FXYD6: variants seen among roughly 807,000 people sequenced by gnomAD.
The protein encoded by FXYD6 is FXYD domain-containing ion transport regulator 6.
A neutral mutation model predicts 16.7 loss-of-function variants in FXYD6; 7 were observed. That is an observed-to-expected ratio of 0.42 (90% CI 0.24 to 0.79). The LOEUF is 0.79. FXYD6 is among the 30% of genes least tolerant of loss of function. The pLI, the probability that FXYD6 is intolerant of heterozygous loss-of-function variation, is 0.28. For synonymous variants in FXYD6, 49 were observed against 43.0 expected, an observed-to-expected ratio of 1.14 and a Z score of -0.54; for missense variants, 111 against 116.2, an observed-to-expected ratio of 0.95 and a Z score of 0.21.
chr11:117,849,687 C>G (rs2056558742), intron 1 of FXYD6, among the ~76,000 whole-genome samples: 1 of 151,988 alleles, frequency 6.6e-6, no homozygotes, highest in South Asian at 2.1e-4. Context: ...CTTTTGGTCG[C>G]TTGCTTTTTG....
chr11:117,865,535 A>G (rs111748413), intron 1 of FXYD6, among the ~76,000 whole-genome samples: 3 of 152,230 alleles, frequency 2.0e-5, no homozygotes, highest in Non-Finnish European at 2.9e-5. Context: ...ATTCAACCTT[A>G]AAAAGGAAGG....
At chr11:117,866,528 C>T (rs2057017998) in intron 1 of FXYD6, among the ~76,000 whole-genome samples, 1 of 152,128 alleles carries the variant, frequency 6.6e-6, no homozygotes, top group South Asian at 2.1e-4. Context: ...CTGACTATGA[C>T]TGAGGTTGGG....
At chr11:117,858,937 A>G (rs1477726157) in intron 1 of FXYD6, among the ~76,000 whole-genome samples, 4 of 151,554 alleles carry the variant, frequency 2.6e-5, no homozygotes, top group Admixed American at 2.0e-4. Context: ...CACCACACCC[A>G]GCTAAGTTTT....
At chr11:117,841,221 G>A (rs777766094) in intron 4 of FXYD6, 37 bp from the exon 5 acceptor site, 3 of 1,614,032 alleles carry the variant, frequency 1.9e-6, no homozygotes, top group Non-Finnish European at 1.7e-6. Flanking sequence ...TCATGCTGCT[G>A]GCTTGGCCAC....
intron 1 of FXYD6, among the ~76,000 whole-genome samples, chr11:117,847,152 T>A (rs960152980): frequency 6.6e-6 from 1 of 152,226 alleles, no homozygotes; most frequent in African/African-American, 2.4e-5. Flanking sequence ...TTGTATGTGT[T>A]TTCTAATTTT....
intron 6 of FXYD6, 175 bp from the exon 7 acceptor site, chr11:117,840,005 A>T: frequency 2.6e-6 from 2 of 768,062 alleles, no homozygotes; most frequent in South Asian, 3.4e-5. Context: ...TGCTTACAGG[A>T]ACCTGGTAAC....
chr11:117,874,950 C>T (rs1423513825), intron 1 of FXYD6, among the ~76,000 whole-genome samples: 1 of 152,196 alleles, frequency 6.6e-6, no homozygotes, highest in Non-Finnish European at 1.5e-5. Flanking sequence ...CCTTCCTCTG[C>T]AGGGTTCCCA....
intron 6 of FXYD6, 85 bp downstream of exon 6, chr11:117,840,234 C>T (rs1274948096): frequency 3.2e-6 from 5 of 1,578,320 alleles, no homozygotes; most frequent in Non-Finnish European, 4.4e-6. Flanking sequence ...GCTGGCCATG[C>T]ACCTGGCAAC....
chr11:117,855,201 A>G (rs940694643), intron 1 of FXYD6, among the ~76,000 whole-genome samples: 1 of 152,256 alleles, frequency 6.6e-6, no homozygotes, highest in South Asian at 2.1e-4. Context: ...TATTCTAAAG[A>G]AAACATTTCT....
intron 1 of FXYD6, among the ~76,000 whole-genome samples, chr11:117,856,998 C>A (rs1449902133): frequency 1.5e-5 from 2 of 133,300 alleles, no homozygotes; most frequent in Admixed American, 1.4e-4. Context: ...AAGGCTGAGC[C>A]CACCCCAATG....
intron 1 of FXYD6, among the ~76,000 whole-genome samples, chr11:117,858,538 G>C (rs896714695): frequency 1.3e-5 from 2 of 152,122 alleles, no homozygotes; most frequent in African/African-American, 4.8e-5. Context: ...ACACTCTCCT[G>C]TCAAAGTTCC....
intron 1 of FXYD6, among the ~76,000 whole-genome samples, chr11:117,849,886 T>C (rs1186455870): frequency 6.6e-6 from 1 of 152,122 alleles, no homozygotes; most frequent in Non-Finnish European, 1.5e-5. Flanking sequence ...GGCTAGCTCC[T>C]GTCCAGTTCA....
At chr11:117,857,632 C>T (rs1401985389) in intron 1 of FXYD6, among the ~76,000 whole-genome samples, 1 of 152,110 alleles carries the variant, frequency 6.6e-6, no homozygotes, top group South Asian at 2.1e-4. Flanking sequence ...TGGTCTCGAT[C>T]TCTTGACCTC....
At chr11:117,865,941 G>T (rs2057004913) in intron 1 of FXYD6, among the ~76,000 whole-genome samples, 1 of 151,980 alleles carries the variant, frequency 6.6e-6, no homozygotes, top group South Asian at 2.1e-4. Flanking sequence ...AAAAAAGAGT[G>T]CCTGTGGTGA....
intron 1 of FXYD6, among the ~76,000 whole-genome samples, chr11:117,863,726 CA>C (rs1240866378): frequency 5.3e-5 from 8 of 152,108 alleles, no homozygotes; most frequent in Non-Finnish European, 1.2e-4. Flanking sequence ...CCCTAAAGAT[CA>C]CACATAAAAA....
intron 2 of FXYD6, 115 bp downstream of exon 2, chr11:117,842,604 T>C: frequency 1.9e-6 from 2 of 1,057,744 alleles, no homozygotes; most frequent in South Asian, 2.9e-5. Context: ...TGACTAGACA[T>C]GAAGAACGTG....
intron 2 of FXYD6, among the ~76,000 whole-genome samples, 191 bp downstream of exon 2, chr11:117,842,528 C>A (rs1200721111): frequency 6.6e-6 from 1 of 152,200 alleles, no homozygotes; most frequent in African/African-American, 2.4e-5. Context: ...GCAGGCTGTG[C>A]TGAGGTCTGT....
chr11:117,869,364 C>T (rs966093528), intron 1 of FXYD6, among the ~76,000 whole-genome samples: 15 of 152,378 alleles, frequency 9.8e-5, no homozygotes, highest in African/African-American at 3.1e-4. Context: ...TGGCTGACAC[C>T]TCCCAGGGTG....
chr11:117,876,444 A>T (rs2134226258), intron 1 of FXYD6, 148 bp downstream of exon 1: 1 of 152,486 alleles, frequency 6.6e-6, no homozygotes, highest in East Asian at 1.9e-4. Context: ...CCAGGCGGGG[A>T]CCGCGGCGCA....
Sources: allele counts gnomAD v4.1 joint callset (sites outside exome capture counted in the v4.1 genomes callset), GRCh38; gene constraint gnomAD v4.1.1; transcripts MANE v1.5; gene names NCBI Gene and HGNC (gene_info 2026-07-23, HGNC 2026-07-21).